CXXC4: variants seen among roughly 807,000 people sequenced by gnomAD.
CXXC4 encodes CXXC finger protein 4, also known as CXXC-type zinc finger protein 4.
A neutral mutation model predicts 20.5 loss-of-function variants in CXXC4; 5 were observed. The observed-to-expected ratio is 0.24, with a 90% confidence interval of 0.13 to 0.51. The LOEUF is 0.51. CXXC4 is among the 20% of genes least tolerant of loss of function. The pLI is 0.97. For synonymous variants in CXXC4, 250 were observed against 216.4 expected, an observed-to-expected ratio of 1.16 and a Z score of -1.36; for missense variants, 419 against 496.4, an observed-to-expected ratio of 0.84 and a Z score of 1.48.
chr4:104,484,932 T>C (rs764118753), intron 2 of CXXC4, among the ~76,000 whole-genome samples: 6 of 151,956 alleles, frequency 3.9e-5, no homozygotes, highest in Non-Finnish European at 8.8e-5. Context: ...AAAATCACCC[T>C]TATGCCCCTC....
intron 2 of CXXC4, among the ~76,000 whole-genome samples, chr4:104,473,772 T>G (rs527299580): frequency 8.8e-6 from 1 of 113,740 alleles, no homozygotes; most frequent in Admixed American, 8.4e-5. Flanking sequence ...ACACATTACT[T>G]GTAATGCATC....
In CXXC4 at chr4:104,472,172, CT is replaced by C. The variant is rs34493088; in HGVS notation, c.*149del. ...TTATGTCTTTTTCTTTTCTTTTCCT[CT>C]TTTTTTTTTTTTTTGAAGAAAGCCC... On this transcript the variant is annotated 3_prime_UTR_variant, in exon 3 of 3. Coordinates refer to ENST00000394767, the MANE Select transcript of CXXC4 (RefSeq NM_025212.4). The C allele has an allele frequency of 0.044, 16,089 of 362,740 alleles. 35 individuals carry two copies. Among genetic ancestry groups the C allele is most frequent in the East Asian group, 0.11 (2,681 of 24,582 alleles). 22.5% of individuals were successfully genotyped at this position (362,740 alleles called of 1,614,324 possible).
At chr4:104,474,540 A>G (rs1020703780) in intron 2 of CXXC4, among the ~76,000 whole-genome samples, 1 of 152,084 alleles carries the variant, frequency 6.6e-6, no homozygotes, top group African/African-American at 2.4e-5. Context: ...AATAAATTTT[A>G]TATAAGTATG....
At chr4:104,480,739 T>C (rs979025707) in intron 2 of CXXC4, among the ~76,000 whole-genome samples, 10 of 152,106 alleles carry the variant, frequency 6.6e-5, no homozygotes, top group Non-Finnish European at 1.3e-4. Flanking sequence ...CAAGATGACC[T>C]TAAGTATGCC....
chr4:104,492,683 T>C (rs1436008495), intron 1 of CXXC4, among the ~76,000 whole-genome samples: 3 of 152,066 alleles, frequency 2.0e-5, no homozygotes, highest in Non-Finnish European at 4.4e-5. Flanking sequence ...CACAGTATCC[T>C]TCTGTGTCTG....
Position 104,468,555 on chromosome 4 carries a change from G to A in CXXC4, c.*3767C>T, listed in dbSNP as rs1736181225. On this transcript the variant is annotated 3_prime_UTR_variant, in exon 3 of 3. Coordinates refer to ENST00000394767, the MANE Select transcript of CXXC4 (RefSeq NM_025212.4). ...ATAGATAACTGCACAGTTCAGAAGA[G>A]GAGAACACTGTGAAAGGAGTACATT... The A allele has an allele frequency of 6.6e-6, 1 of 151,196 alleles. No homozygotes were observed. Among genetic ancestry groups the A allele is most frequent in the East Asian group, 1.9e-4 (1 of 5,166 alleles). The allele number at this position is 151,196 out of a possible 1,614,324, so 9.4% of individuals were successfully genotyped here.
chr4:104,472,172 C>CA lies in CXXC4; in HGVS notation c.*149_*150insT, dbSNP rs1553912843. 5.4e-5 allele frequency: 20 copies of CA among 367,784 alleles called. No homozygotes were observed. The East Asian group carries it at 7.9e-4, about 15-fold the overall frequency. The allele number at this position is 367,784 out of a possible 1,614,324, so 22.8% of individuals were successfully genotyped here. A position where few individuals can be genotyped will look rare whatever the true frequency, so the allele number is the denominator to read the frequency against. ...TTATGTCTTTTTCTTTTCTTTTCCT[C>CA]TTTTTTTTTTTTTTTGAAGAAAGCC... On this transcript the variant is annotated 3_prime_UTR_variant, in exon 3 of 3. Transcript: ENST00000394767.
Position 104,490,873 on chromosome 4 carries a change from G to A in CXXC4, c.930C>T (p.Val310=), listed in dbSNP as rs760109133. 2.5e-6 allele frequency: 4 copies of A among 1,614,222 alleles called. No homozygotes were observed. Among genetic ancestry groups the A allele is most frequent in the East Asian group, 2.2e-5 (1 of 44,870 alleles). ...TGATGAGCCTCTTGCAGGGCACGCA[G>A]ACCCCACACCTTTTCCTCTTCTTCT... ...PAKKKRKRCG[V]CVPCKRLINC... is the part of the protein sequence containing the mutation. Residue 310 remains valine (V), a synonymous_variant, in exon 2 of 3, where the codon GTC becomes GTT. Transcript: ENST00000394767.
In CXXC4 at chr4:104,469,167, C is replaced by G. The variant is rs2110266685; in HGVS notation, c.*3155G>C. 1 of 152,184 alleles carries G rather than the reference C, an allele frequency of 6.6e-6. No individual in the cohort carries two copies. Among genetic ancestry groups the G allele is most frequent in the African/African-American group, 2.4e-5 (1 of 41,558 alleles). 9.4% of individuals were successfully genotyped at this position (152,184 alleles called of 1,614,324 possible). ...GAATCTGACTCCACTTGTAGACAGA[C>G]AGGCAGAGTCCATCAGAAAGCCACT... On this transcript the variant is annotated 3_prime_UTR_variant, in exon 3 of 3. Coordinates refer to ENST00000394767, the MANE Select transcript of CXXC4 (RefSeq NM_025212.4).
At chr4:104,487,654 G>A (rs1736732622) in intron 2 of CXXC4, among the ~76,000 whole-genome samples, 1 of 152,106 alleles carries the variant, frequency 6.6e-6, no homozygotes, top group Non-Finnish European at 1.5e-5. Context: ...CACACAAGGG[G>A]CAGAGAGCAT....
intron 1 of CXXC4, among the ~76,000 whole-genome samples, chr4:104,493,144 G>A (rs1230855257): frequency 6.6e-6 from 1 of 151,904 alleles, no homozygotes; most frequent in East Asian, 1.9e-4. Context: ...TGTTAACTGG[G>A]TATTTGCATT....
chr4:104,490,645 G>T (rs1381768609), intron 2 of CXXC4, 99 bp downstream of exon 2: 12 of 1,091,048 alleles, frequency 1.1e-5, no homozygotes, highest in Middle Eastern at 2.1e-4. Context: ...CTTCTGAGAA[G>T]GGGTACTGCA....
At position 104,471,766 on chromosome 4, in the gene CXXC4, T is replaced by G. The variant is rs896736736; in HGVS notation, c.*556A>C. On this transcript the variant is annotated 3_prime_UTR_variant, in exon 3 of 3. Transcript: ENST00000394767. Reference sequence around the variant, plus strand: ...GGCAAAATGGTGCCAGTGCTGTTGCTGCTTCTAAACCACTGGCAAAAAATA... The same window carrying G: ...GGCAAAATGGTGCCAGTGCTGTTGCGGCTTCTAAACCACTGGCAAAAAATA... 2 of 152,080 alleles carry G rather than the reference T, an allele frequency of 1.3e-5. No individual in the cohort carries two copies. Among genetic ancestry groups the G allele is most frequent in the Non-Finnish European group, 2.9e-5 (2 of 67,992 alleles). 9.4% of individuals were successfully genotyped at this position (152,080 alleles called of 1,614,324 possible).
At position 104,469,618 on chromosome 4, in the gene CXXC4, C is replaced by A. The variant is rs959139500; in HGVS notation, c.*2704G>T. 6.6e-6 allele frequency: 1 copy of A among 151,926 alleles called. No homozygotes were observed. The highest frequency in any genetic ancestry group is 1.5e-5 in the Non-Finnish European group (1 of 67,936). The allele number at this position is 151,926 out of a possible 1,614,324, so 9.4% of individuals were successfully genotyped here. On this transcript the variant is annotated 3_prime_UTR_variant, in exon 3 of 3. Transcript: ENST00000394767. Reference sequence around the variant, plus strand: ...TGATAAGCTTTAGAAGTTCTCAGTACAGGGACATATGAGGAAGAAAACTAG... The same window carrying A: ...TGATAAGCTTTAGAAGTTCTCAGTAAAGGGACATATGAGGAAGAAAACTAG...
intron 2 of CXXC4, among the ~76,000 whole-genome samples, chr4:104,477,928 C>T (rs978516744): frequency 6.6e-6 from 1 of 151,894 alleles, no homozygotes. Context: ...TGGTCTTTAT[C>T]CAAATATAAA....
Position 104,469,139 on chromosome 4 carries a change from T to G in CXXC4, c.*3183A>C, listed in dbSNP as rs183103596. On this transcript the variant is annotated 3_prime_UTR_variant, in exon 3 of 3. Coordinates refer to ENST00000394767, the MANE Select transcript of CXXC4 (RefSeq NM_025212.4). ...TTCCCAAGGATGGATACATTTCTAC[T>G]TTGAATCTGACTCCACTTGTAGACA... 1 of 152,204 alleles carries G rather than the reference T, an allele frequency of 6.6e-6. No homozygotes were observed. Among genetic ancestry groups the G allele is most frequent in the East Asian group, 1.9e-4 (1 of 5,180 alleles). The allele number at this position is 152,204 out of a possible 1,614,324, so 9.4% of individuals were successfully genotyped here. A position where few individuals can be genotyped will look rare whatever the true frequency, so the allele number is the denominator to read the frequency against.
chr4:104,493,632 C>T (rs746364282), intron 1 of CXXC4, among the ~76,000 whole-genome samples: 4 of 152,176 alleles, frequency 2.6e-5, no homozygotes, highest in Non-Finnish European at 5.9e-5. Flanking sequence ...ATCTTTCAAT[C>T]ACAGCAAGTC....
At chr4:104,494,112 A>G (rs926946483) in intron 1 of CXXC4, among the ~76,000 whole-genome samples, 1 of 152,216 alleles carries the variant, frequency 6.6e-6, no homozygotes, top group Non-Finnish European at 1.5e-5. Context: ...CCAGGTCATT[A>G]TTGTTTAATC....
In CXXC4 at chr4:104,470,945, C is replaced by T. The variant is rs1448979805; in HGVS notation, c.*1377G>A. 2 of 151,954 alleles carry T rather than the reference C, an allele frequency of 1.3e-5. No individual in the cohort carries two copies. The highest frequency in any genetic ancestry group is 2.9e-5 in the Non-Finnish European group (2 of 67,960). 9.4% of individuals were successfully genotyped at this position (151,954 alleles called of 1,614,324 possible). On this transcript the variant is annotated 3_prime_UTR_variant, in exon 3 of 3. Transcript: ENST00000394767. Reference sequence around the variant, plus strand: ...CACAGGTTCTATGAAGCATTAGATCCTTTGTGTGTAGGTTGTGGGGGGAGG... The same window carrying T: ...CACAGGTTCTATGAAGCATTAGATCTTTTGTGTGTAGGTTGTGGGGGGAGG...
Sources: allele counts gnomAD v4.1 joint callset (sites outside exome capture counted in the v4.1 genomes callset), GRCh38; gene constraint gnomAD v4.1.1; transcripts MANE v1.5; gene names NCBI Gene and HGNC (gene_info 2026-07-23, HGNC 2026-07-21).